The following COL13A1 variants were observed in gnomAD, a reference collection of about 807,000 sequenced individuals.
COL13A1 encodes the protein collagen alpha-1(XIII) chain.
In COL13A1, 89 loss-of-function variants were observed where a neutral mutation model predicts 130.9. The observed-to-expected ratio is 0.68, with a 90% CI of 0.57 to 0.81. The LOEUF (loss-of-function observed/expected upper bound fraction) is 0.81, where lower values mean the gene tolerates loss of function less well. Among genes scored for constraint, COL13A1 ranks in the 30% least tolerant of loss-of-function variants. The pLI is 0.00. For missense variants in COL13A1, 879 were observed against 934.6 expected (o/e 0.94, Z 0.78); for synonymous variants, 402 against 341.6 (o/e 1.18, Z -1.95).
intron 2 of COL13A1, among the ~76,000 whole-genome samples, chr10:69,847,807 A>ACAGAAACAG (rs912915426): frequency 3.3e-5 from 5 of 152,198 alleles, no homozygotes; most frequent in Admixed American, 1.3e-4. Context: ...CTGTGGCCCC[A>ACAGAAACAG]CAGAAACAGC....
rs553413613 is a variant in COL13A1 at position 69,829,100 on chromosome 10, C to T, written c.364+6662C>T. The T allele has an allele frequency of 8.6e-6, 3 of 348,984 alleles. No individual in the cohort carries two copies. In the South Asian group the frequency reaches 3.4e-4, roughly 40 times the overall value. The allele number at this position is 348,984 out of a possible 1,614,324, so 21.6% of individuals were successfully genotyped here. ...CCTGGCCCTTTCCAACATTCTCGAC[C>T]TCTCCCAGCATCTAAGCCATGACCT... On this transcript the variant is annotated intron_variant, in intron 2 of 40. Transcript: ENST00000645393.
rs1228867787 is a variant in COL13A1 at position 69,868,593 on chromosome 10, C to T, written c.372+788C>T. ...ATAGGAATTGAAAGGGCCCAGCCCT[C>T]GCATCAGATCTTTCTCAAGGTTGCT... On this transcript the variant is annotated intron_variant, in intron 3 of 40. Coordinates refer to ENST00000645393, the MANE Select transcript of COL13A1 (RefSeq NM_001368882.1). 2.6e-5 allele frequency among the ~76,000 whole-genome samples: 4 copies of T among 152,318 alleles called. 1 individual carries two copies. Among genetic ancestry groups the T allele is most frequent in the South Asian group, 4.1e-4 (2 of 4,824 alleles).
At chr10:69,850,172 T>G (rs1368926960) in intron 2 of COL13A1, among the ~76,000 whole-genome samples, 1 of 151,998 alleles carries the variant, frequency 6.6e-6, no homozygotes, top group Non-Finnish European at 1.5e-5. Context: ...GGATGAGATC[T>G]AAATGTCCAC....
intron 2 of COL13A1, among the ~76,000 whole-genome samples, chr10:69,828,524 C>A (rs768230225): frequency 6.6e-6 from 1 of 152,216 alleles, no homozygotes; most frequent in Admixed American, 6.5e-5. Flanking sequence ...ACCAGTCTTC[C>A]GCTGTCCTGC....
intron 10 of COL13A1, among the ~76,000 whole-genome samples, chr10:69,890,041 C>A (rs1440125500): frequency 6.6e-6 from 1 of 152,208 alleles, no homozygotes; most frequent in Non-Finnish European, 1.5e-5. Flanking sequence ...AAGGTCTTCT[C>A]TTCCATGTCA....
At position 69,952,928 on chromosome 10, in the gene COL13A1, G is replaced by T. The variant is rs2069874836; in HGVS notation, c.2105G>T (p.Gly702Val). Residue 702 changes from glycine to valine, a missense_variant, in exon 39 of 41, where the codon GGA (glycine) becomes GTA (valine). By Grantham distance (109) the Gly-to-Val change is moderately radical. Coordinates refer to ENST00000645393, the MANE Select transcript of COL13A1 (RefSeq NM_001368882.1). ...TCTAGAGGGCCTAAAGGGGATAAGG[G>T]AGACCAAGGAGCGCCTGGATTAGAT... ...KGSRGPKGDK[G>V]DQGAPGLDAP... The T allele has an allele frequency of 6.4e-7, 1 of 1,560,130 alleles. No homozygotes were observed. The highest frequency in any genetic ancestry group is 8.6e-7 in the Non-Finnish European group (1 of 1,159,864).
rs751822343 is a variant in COL13A1, at chr10:69,822,391, G to C, written c.317G>C (p.Arg106Thr). 1.9e-6 allele frequency: 3 copies of C among 1,592,278 alleles called. No homozygotes were observed. The highest frequency in any genetic ancestry group is 1.7e-6 in the Non-Finnish European group (2 of 1,169,512). The change falls in exon 2 of 41, where the codon AGG becomes ACG. Residue 106 changes from arginine to threonine, a missense_variant. This residue lies in a region of COL13A1 where 715 missense variants were observed against 721.0 expected (regional missense o/e 0.99). Coordinates refer to ENST00000645393, the MANE Select transcript of COL13A1 (RefSeq NM_001368882.1). The stretch of plus-strand genomic sequence containing the variant: ...CAGAAATGGAAGCTCCACTCAAGGA[G>C]GCGCCGGGAGGCCCCAAAGACATCT... ...LDEKWKLHSR[R>T]RREAPKTSPG...
intron 30 of COL13A1, among the ~76,000 whole-genome samples, chr10:69,930,923 A>T (rs2066028943): frequency 6.6e-6 from 1 of 152,250 alleles, no homozygotes; most frequent in Non-Finnish European, 1.5e-5. Context: ...AGTGTACAGA[A>T]GCCCTATACC....
chr10:69,839,350 C>A (rs1415620675), intron 2 of COL13A1, among the ~76,000 whole-genome samples: 1 of 152,166 alleles, frequency 6.6e-6, no homozygotes, highest in African/African-American at 2.4e-5. Flanking sequence ...AAGAAAATAT[C>A]CACTGATTGT....
At chr10:69,832,780 C>T (rs1212924797) in intron 2 of COL13A1, among the ~76,000 whole-genome samples, 2 of 152,198 alleles carry the variant, frequency 1.3e-5, no homozygotes, top group Non-Finnish European at 2.9e-5. Flanking sequence ...CCCACTCCAT[C>T]CAGCCACCAT....
In COL13A1 at chr10:69,925,011, T is replaced by A; in HGVS notation, c.1329+4T>A. On this transcript the variant is annotated splice_donor_region_variant and intron_variant, in intron 25 of 40. Coordinates refer to ENST00000645393, the MANE Select transcript of COL13A1 (RefSeq NM_001368882.1). ...ACAGGGACCAGATGGCCCCAAGGTA[T>A]GTGCCTCTCCCTCCTGGAGTCACAG... The A allele has an allele frequency of 6.3e-7, 1 of 1,581,268 alleles. No individual in the cohort carries two copies. The highest frequency in any genetic ancestry group is 1.4e-5 in the African/African-American group (1 of 74,038).
rs1304489161 is a variant in COL13A1 at position 69,925,855 on chromosome 10, A to T, written c.1381A>T (p.Ile461Phe). 4 of 1,598,004 alleles carry T rather than the reference A, an allele frequency of 2.5e-6. No homozygotes were observed. In the South Asian group the frequency reaches 4.6e-5, roughly 18 times the overall value. The change falls in exon 26 of 41, where the codon ATC becomes TTC. Residue 461 changes from isoleucine (I) to phenylalanine (F), a missense_variant. Around this residue, in one of 3 missense-constraint regions of COL13A1, gnomAD observed 715 missense variants for 721.0 expected, o/e 0.99. Transcript: ENST00000645393. ...AGAGATGGTGGATTACAATGGAAAC[A>T]TCAATGAGGCTCTCCAGGTGAGCAG... ...KGEMVDYNGN[I>F]NEALQEIRTL...
intron 1 of COL13A1, among the ~76,000 whole-genome samples, chr10:69,812,069 G>A (rs1843189795): frequency 6.6e-6 from 1 of 152,152 alleles, no homozygotes; most frequent in Non-Finnish European, 1.5e-5. Flanking sequence ...AGCCAGAGGG[G>A]ACCTTTTAAA....
intron 2 of COL13A1, among the ~76,000 whole-genome samples, chr10:69,828,443 C>T (rs531569102): frequency 9.2e-5 from 14 of 152,318 alleles, no homozygotes; most frequent in Admixed American, 8.5e-4. Context: ...CAAAAACCAT[C>T]CATGGCTCCT....
intron 9 of COL13A1, among the ~76,000 whole-genome samples, chr10:69,888,638 G>A (rs1382268136): frequency 1.3e-5 from 2 of 152,058 alleles, no homozygotes; most frequent in South Asian, 2.1e-4. Flanking sequence ...TGGAGGGTAC[G>A]GAGGTCAAAT....
At chr10:69,937,859 G>A in intron 34 of COL13A1, 144 bp downstream of exon 34, 1 of 594,380 alleles carries the variant, frequency 1.7e-6, no homozygotes, top group Non-Finnish European at 3.0e-6. Flanking sequence ...ACCTGGGCAA[G>A]ACCACAGGCT....
intron 2 of COL13A1, among the ~76,000 whole-genome samples, chr10:69,824,756 C>T (rs1486875955): frequency 6.6e-6 from 1 of 152,186 alleles, no homozygotes; most frequent in Non-Finnish European, 1.5e-5. Flanking sequence ...AAGGGATACC[C>T]CTGCATGTTG....
rs911093124 is a variant in COL13A1 at position 69,856,495 on chromosome 10, A to G, written c.365-11303A>G. Among the ~76,000 whole-genome samples, 6 of 152,374 alleles carry G rather than the reference A, an allele frequency of 3.9e-5. No homozygotes were observed. In the South Asian group the frequency reaches 1.2e-3, roughly 32 times the overall value. On this transcript the variant is annotated intron_variant, in intron 2 of 40. Transcript: ENST00000645393. ...GAATTAAGGACTGTGCCCATCATAAATCTTACAACCTAACAAAAGACAAGG... is the reference window on the plus strand; with the variant it reads ...GAATTAAGGACTGTGCCCATCATAAGTCTTACAACCTAACAAAAGACAAGG...
rs146878676 is a variant in COL13A1, at chr10:69,876,822, G to T, written c.436-1217G>T. On this transcript the variant is annotated intron_variant, in intron 5 of 40. Transcript: ENST00000645393. Reference sequence around the variant, plus strand: ...GGTTTTGTGCCCAAGCCAACTGTGGGACCCCAAAGTCCCTGCTCCCAGGGA... The same window carrying T: ...GGTTTTGTGCCCAAGCCAACTGTGGTACCCCAAAGTCCCTGCTCCCAGGGA... 4.8e-3 allele frequency among the ~76,000 whole-genome samples: 729 copies of T among 152,282 alleles called. 2 individuals carry two copies. The highest frequency in any genetic ancestry group is 7.9e-3 in the South Asian group (38 of 4,820).
Sources: allele counts gnomAD v4.1 joint callset (sites outside exome capture counted in the v4.1 genomes callset), GRCh38; gene constraint gnomAD v4.1.1; regional missense constraint gnomAD v4.1.1; transcripts MANE v1.5; gene names NCBI Gene and HGNC (gene_info 2026-07-23, HGNC 2026-07-21).